Variants in EXT1 observed in about 807,000 individuals in gnomAD.
The protein encoded by EXT1 is exostosin-1.
Under a neutral mutation model 82.5 loss-of-function variants are expected in EXT1, and 20 were observed. The observed-to-expected ratio is 0.24, with a 90% CI of 0.17 to 0.35. EXT1 has a LOEUF of 0.35. Ranked by LOEUF, EXT1 falls within the 10% of genes least tolerant of loss-of-function variation. EXT1 has a pLI of 1.00. For missense variants in EXT1, 757 were observed against 936.5 expected (o/e 0.81, Z 2.50); for synonymous variants, 348 against 350.8 (o/e 0.99, Z 0.09).
intron 1 of EXT1, among the ~76,000 whole-genome samples, chr8:118,033,277 C>G (rs573628514): frequency 6.6e-6 from 1 of 152,170 alleles, no homozygotes; most frequent in African/African-American, 2.4e-5. Flanking sequence ...TCTTTTGTAA[C>G]ATAAATGTTA....
intron 1 of EXT1, among the ~76,000 whole-genome samples, chr8:117,961,584 A>G (rs1471232384): frequency 6.6e-6 from 1 of 152,242 alleles, no homozygotes; most frequent in Non-Finnish European, 1.5e-5. Flanking sequence ...AAAATAAGCT[A>G]TTCTAATTGG....
At chr8:117,862,348 A>C (rs1402617135) in intron 1 of EXT1, among the ~76,000 whole-genome samples, 3 of 145,850 alleles carry the variant, frequency 2.1e-5, no homozygotes, top group African/African-American at 2.4e-5. Flanking sequence ...GAGATAGCCA[A>C]ATGCAGAAGG....
intron 1 of EXT1, among the ~76,000 whole-genome samples, chr8:117,897,317 T>C (rs549949088): frequency 2.6e-5 from 4 of 152,278 alleles, no homozygotes; most frequent in Non-Finnish European, 5.9e-5. Context: ...TCAGATGGTG[T>C]GGCAGTCTTA....
chr8:118,010,779 C>T (rs1387397068), intron 1 of EXT1, among the ~76,000 whole-genome samples: 1 of 152,208 alleles, frequency 6.6e-6, no homozygotes, highest in Non-Finnish European at 1.5e-5. Flanking sequence ...TGTTTAAGGA[C>T]TCTCTTGGCT....
intron 5 of EXT1, 65 bp downstream of exon 5, chr8:117,822,400 G>T (rs953538545): frequency 1.3e-6 from 2 of 1,566,514 alleles, no homozygotes; most frequent in South Asian, 1.1e-5. Context: ...AAGAATAAAG[G>T]CCTTTAGTTC....
intron 1 of EXT1, among the ~76,000 whole-genome samples, chr8:118,062,173 C>G (rs1277888658): frequency 2.0e-5 from 3 of 152,202 alleles, no homozygotes; most frequent in Admixed American, 6.5e-5. Flanking sequence ...TGGTTTCTGC[C>G]TCTCAGCAGT....
chr8:117,826,819 T>A (rs1382575036), intron 4 of EXT1, among the ~76,000 whole-genome samples: 1 of 152,070 alleles, frequency 6.6e-6, no homozygotes, highest in Non-Finnish European at 1.5e-5. Flanking sequence ...AAAAAAATAA[T>A]AATAATACAT....
chr8:117,973,150 G>A (rs1385974727), intron 1 of EXT1, among the ~76,000 whole-genome samples: 2 of 152,160 alleles, frequency 1.3e-5, no homozygotes, highest in Non-Finnish European at 2.9e-5. Flanking sequence ...TTTCTGTGTG[G>A]AAGTGAAATC....
chr8:117,977,486 G>A (rs1815091425), intron 1 of EXT1, among the ~76,000 whole-genome samples: 1 of 151,878 alleles, frequency 6.6e-6, no homozygotes, highest in South Asian at 2.1e-4. Flanking sequence ...AGTAGGAAAA[G>A]AAGTTGTCAG....
chr8:118,001,928 T>G (rs1359891117), intron 1 of EXT1, among the ~76,000 whole-genome samples: 1 of 152,202 alleles, frequency 6.6e-6, no homozygotes, highest in Admixed American at 6.5e-5. Flanking sequence ...TTATTAAAAT[T>G]TACTAATGCA....
intron 1 of EXT1, among the ~76,000 whole-genome samples, chr8:118,031,581 G>A (rs1816320063): frequency 6.6e-6 from 1 of 151,672 alleles, no homozygotes; most frequent in Non-Finnish European, 1.5e-5. Flanking sequence ...TAAAGTCAGT[G>A]ACTAATTTAA....
At chr8:117,842,694 T>C (rs1254264058) in intron 1 of EXT1, among the ~76,000 whole-genome samples, 1 of 152,130 alleles carries the variant, frequency 6.6e-6, no homozygotes, top group Non-Finnish European at 1.5e-5. Context: ...GAGACAAATG[T>C]GGAACAGACC....
chr8:117,915,221 C>A (rs912081445), intron 1 of EXT1, among the ~76,000 whole-genome samples: 1 of 152,150 alleles, frequency 6.6e-6, no homozygotes, highest in Non-Finnish European at 1.5e-5. Context: ...CACTAAGAAA[C>A]TATTTCAATA....
intron 1 of EXT1, among the ~76,000 whole-genome samples, chr8:118,011,343 T>C (rs1333197027): frequency 1.3e-5 from 2 of 152,188 alleles, no homozygotes; most frequent in Non-Finnish European, 2.9e-5. Flanking sequence ...GCCTGGAACG[T>C]AGTAGGCACC....
At chr8:117,819,596 G>T in intron 6 of EXT1, 80 bp downstream of exon 6, 2 of 1,223,134 alleles carry the variant, frequency 1.6e-6, no homozygotes, top group Non-Finnish European at 2.4e-6. Flanking sequence ...GGGGAGCCCG[G>T]GGGATAACAG....
intron 1 of EXT1, among the ~76,000 whole-genome samples, chr8:118,066,070 T>C (rs1816980579): frequency 6.6e-6 from 1 of 152,206 alleles, no homozygotes; most frequent in Non-Finnish European, 1.5e-5. Flanking sequence ...AAATTAACTG[T>C]AGAGATATGA....
At chr8:117,864,735 C>T (rs1442661280) in intron 1 of EXT1, among the ~76,000 whole-genome samples, 5 of 132,912 alleles carry the variant, frequency 3.8e-5, no homozygotes, top group Admixed American at 8.9e-5. Context: ...GGCGACAGAG[C>T]GAGACTCTGC....
intron 9 of EXT1, among the ~76,000 whole-genome samples, chr8:117,806,096 A>G (rs964321441): frequency 1.3e-5 from 2 of 152,280 alleles, no homozygotes; most frequent in East Asian, 1.9e-4. Context: ...AGCATCTTCA[A>G]AATAATCTGA....
At chr8:117,998,475 T>C (rs1815593180) in intron 1 of EXT1, among the ~76,000 whole-genome samples, 1 of 152,116 alleles carries the variant, frequency 6.6e-6, no homozygotes, top group South Asian at 2.1e-4. Flanking sequence ...CAAGTCTGGC[T>C]AATTTTAAAA....
Sources: gnomAD v4.1 joint callset for allele counts (sites outside exome capture counted in the v4.1 genomes callset) on GRCh38, gnomAD v4.1.1 for gene constraint, MANE v1.5 for transcripts, NCBI Gene and HGNC (gene_info 2026-07-23, HGNC 2026-07-21) for gene names.